The following TENM3 variants were observed in gnomAD, a reference collection of about 807,000 sequenced individuals.
TENM3 encodes the protein teneurin transmembrane protein 3, also known as teneurin-3.
A neutral mutation model predicts 255.1 loss-of-function variants in TENM3; 63 were observed. The observed-to-expected ratio is 0.25, with a 90% CI of 0.20 to 0.30. The LOEUF (loss-of-function observed/expected upper bound fraction) is 0.30. Among genes scored for constraint, TENM3 ranks in the 10% least tolerant of loss-of-function variants. The probability of loss-of-function intolerance (pLI) is 1.00; values close to 1 mark genes in which losing one functional copy is unlikely to be tolerated. For missense variants in TENM3, 2,929 were observed against 3,461.1 expected, an observed-to-expected ratio of 0.85 and a Z score of 3.86; for synonymous variants, 1,306 against 1,322.3, an observed-to-expected ratio of 0.99 and a Z score of 0.27.
chr4:181,577,384 T>C, the TENM3 span, among the ~76,000 whole-genome samples: 1 of 151,190 alleles, frequency 6.6e-6, no homozygotes, highest in Non-Finnish European at 1.5e-5. Context: ...GTCCTTGGAG[T>C]TCTGAAATTC....
the TENM3 span, among the ~76,000 whole-genome samples, chr4:182,072,148 A>G: frequency 6.6e-6 from 1 of 152,286 alleles, no homozygotes; most frequent in Non-Finnish European, 1.5e-5. Context: ...GATAATCCTT[A>G]CTGCTTAACT....
the TENM3 span, among the ~76,000 whole-genome samples, chr4:182,060,138 G>A: frequency 1.3e-5 from 2 of 152,268 alleles, no homozygotes; most frequent in Admixed American, 1.3e-4. Flanking sequence ...TCAGGAAGCT[G>A]AGGTGGAAGG....
intron 22 of TENM3, among the ~76,000 whole-genome samples, chr4:182,765,387 C>T (rs112141529): frequency 6.6e-6 from 1 of 152,110 alleles, no homozygotes. Context: ...TACTCTATCC[C>T]TAATTTTTTG....
At chr4:182,733,253 A>G (rs1473874297) in intron 16 of TENM3, among the ~76,000 whole-genome samples, 10 of 152,234 alleles carry the variant, frequency 6.6e-5, no homozygotes, top group Non-Finnish European at 8.8e-5. Context: ...GGAGTGGCAA[A>G]AAGGACAGCA....
At chr4:182,620,702 A>G (rs1750038313) in intron 4 of TENM3, among the ~76,000 whole-genome samples, 1 of 152,202 alleles carries the variant, frequency 6.6e-6, no homozygotes, top group Admixed American at 6.5e-5. Flanking sequence ...ATCTGAAAAT[A>G]TCAAAGACTG....
chr4:182,483,580 T>C (rs1734409075), intron 3 of TENM3, among the ~76,000 whole-genome samples: 1 of 152,156 alleles, frequency 6.6e-6, no homozygotes, highest in South Asian at 2.1e-4. Flanking sequence ...ATCTCAACAA[T>C]GAGGTATGTC....
chr4:182,323,421 A>T (rs757380135), intron 1 of TENM3, among the ~76,000 whole-genome samples: 72 of 84,240 alleles, frequency 8.5e-4, no homozygotes, highest in Non-Finnish European at 1.1e-3. Context: ...AAGATATATT[A>T]AAAAAAAAAA....
chr4:182,353,173 C>T (rs1039551813), intron 3 of TENM3, among the ~76,000 whole-genome samples: 1 of 152,146 alleles, frequency 6.6e-6, no homozygotes, highest in African/African-American at 2.4e-5. Context: ...AGCATTATTC[C>T]ATTCCTTCAG....
intron 18 of TENM3, among the ~76,000 whole-genome samples, chr4:182,742,431 C>T (rs1425344331): frequency 6.6e-6 from 1 of 152,116 alleles, no homozygotes; most frequent in African/African-American, 2.4e-5. Flanking sequence ...TTTGAATAAC[C>T]GCATGTATAT....
chr4:182,615,042 A>AAAAATAC (rs1403989160), intron 4 of TENM3, among the ~76,000 whole-genome samples: 62 of 57,480 alleles, frequency 1.1e-3, no homozygotes, highest in Admixed American at 2.4e-3. Context: ...AAAAAAAAAA[A>AAAAATAC]ATACATATAT....
intron 3 of TENM3, among the ~76,000 whole-genome samples, chr4:182,442,078 A>G (rs1772533691): frequency 6.6e-6 from 1 of 152,160 alleles, no homozygotes; most frequent in Non-Finnish European, 1.5e-5. Flanking sequence ...CTGACTTCTA[A>G]GCCAAGTTAT....
chr4:181,544,993 G>A, the TENM3 span, among the ~76,000 whole-genome samples: 1 of 152,212 alleles, frequency 6.6e-6, no homozygotes, highest in Non-Finnish European at 1.5e-5. Flanking sequence ...TTCTGAAACA[G>A]ATATTTGATT....
At chr4:182,761,450 T>A (rs1294982703) in intron 22 of TENM3, among the ~76,000 whole-genome samples, 1 of 102,908 alleles carries the variant, frequency 9.7e-6, no homozygotes, top group Non-Finnish European at 2.3e-5. Flanking sequence ...GAGAGGTGTC[T>A]TCCACAGGAC....
intron 3 of TENM3, among the ~76,000 whole-genome samples, chr4:182,528,506 G>A (rs889965518): frequency 6.6e-6 from 1 of 152,170 alleles, no homozygotes. Context: ...CTATGTATGT[G>A]TTTTAGGGGA....
the TENM3 span, among the ~76,000 whole-genome samples, chr4:181,543,170 C>T: frequency 1.3e-5 from 2 of 152,208 alleles, no homozygotes; most frequent in East Asian, 1.9e-4. Context: ...TATTCCCACT[C>T]TCTCTTCTCT....
At chr4:181,758,552 C>T in the TENM3 span, among the ~76,000 whole-genome samples, 5 of 152,226 alleles carry the variant, frequency 3.3e-5, no homozygotes, top group African/African-American at 4.8e-5. Flanking sequence ...GAAGGGCTTA[C>T]GCTAATTAGC....
intron 3 of TENM3, among the ~76,000 whole-genome samples, chr4:182,534,562 T>A (rs796205855): frequency 8.5e-5 from 13 of 152,302 alleles, no homozygotes; most frequent in African/African-American, 3.1e-4. Context: ...AAACACATGG[T>A]CACTGGAGTT....
the TENM3 span, among the ~76,000 whole-genome samples, chr4:182,100,832 TATATATACTC>T: frequency 0.039 from 252 of 6,530 alleles, 87 homozygotes; most frequent in Middle Eastern, 0.12. Flanking sequence ...CATATATATA[TATATATACTC>T]ATATATATAT....
At chr4:181,853,477 G>A in the TENM3 span, among the ~76,000 whole-genome samples, 357 of 152,128 alleles carry the variant, frequency 2.3e-3, no homozygotes, top group African/African-American at 8.2e-3. Context: ...ATTTTATAAC[G>A]GCAATCTCAA....
Sources: allele counts gnomAD v4.1 joint callset (sites outside exome capture counted in the v4.1 genomes callset), GRCh38; gene constraint gnomAD v4.1.1; transcripts MANE v1.5; gene names NCBI Gene and HGNC (gene_info 2026-07-23, HGNC 2026-07-21).